The following PHIP variants were observed in gnomAD, a reference collection of about 807,000 sequenced individuals.
The protein encoded by PHIP is PH-interacting protein.
A neutral mutation model predicts 236.8 loss-of-function variants in PHIP; 54 were observed. The ratio of observed to expected loss-of-function variants is 0.23; its 90% CI spans 0.18 to 0.29. PHIP has a LOEUF of 0.29. Ranked by LOEUF, PHIP falls within the 10% of genes least tolerant of loss-of-function variation. The probability of loss-of-function intolerance (pLI) is 1.00; values close to 1 mark genes in which losing one functional copy is unlikely to be tolerated. For missense variants in PHIP, 1,370 were observed against 2,190.8 expected, an observed-to-expected ratio of 0.63 and a Z score of 7.48; for synonymous variants, 756 against 718.9, an observed-to-expected ratio of 1.05 and a Z score of -0.83.
intron 7 of PHIP, among the ~76,000 whole-genome samples, chr6:79,036,920 TCAAAAAAAAAA>T (rs1771966295): frequency 3.9e-5 from 1 of 25,590 alleles, no homozygotes; most frequent in African/African-American, 1.4e-4. Flanking sequence ...AGACTCCGTC[TCAAAAAAAAAA>T]AAAAAAAAAA....
rs1769196211 is a variant in PHIP at position 78,990,871 on chromosome 6, T to A, written c.2316A>T (p.Ser772=). 6.5e-7 allele frequency: 1 copy of A among 1,530,760 alleles called. No individual in the cohort carries two copies. Among genetic ancestry groups the A allele is most frequent in the Non-Finnish European group, 9.0e-7 (1 of 1,107,642 alleles). 94.8% of individuals were successfully genotyped at this position (1,530,760 alleles called of 1,614,324 possible). The change falls in exon 20 of 40, where the codon TCA becomes TCT. Residue 772 remains serine, a synonymous_variant. Coordinates refer to ENST00000275034, the MANE Select transcript of PHIP (RefSeq NM_017934.7). The part of the protein sequence containing the change: ...VPKENKIPTV[S]KNHAHEHFLD... ...CATCAAAATAATTAATATGTACCTT[T>A]GAGACAGTGGGTATTTTATTCTCTT... is the stretch of plus-strand genomic sequence containing the variant.
rs114643099 is a variant in PHIP, at chr6:79,038,288, T to G, written c.600+4555A>C. Among the ~76,000 whole-genome samples, 190 of 152,326 alleles carry G rather than the reference T, an allele frequency of 1.2e-3. 1 individual carries two copies. The highest frequency in any genetic ancestry group is 4.4e-3 in the African/African-American group (183 of 41,578). ...ATGTGGTGTCTGGTAAAGGCTCTCT[T>G]TGTGTGTCAAAGATAGTGCCTTCTA... On this transcript the variant is annotated intron_variant, in intron 7 of 39. Coordinates refer to ENST00000275034, the MANE Select transcript of PHIP (RefSeq NM_017934.7).
chr6:78,960,122 T>C (rs1766680199), intron 31 of PHIP, among the ~76,000 whole-genome samples: 1 of 152,124 alleles, frequency 6.6e-6, no homozygotes, highest in Admixed American at 6.6e-5. Context: ...AAATTCAAAA[T>C]TTGAAGTATG....
In PHIP at chr6:78,995,870, C is replaced by G. The variant is rs183197851; in HGVS notation, c.2201+1544G>C. Among the ~76,000 whole-genome samples the G allele has an allele frequency of 3.1e-3, 474 of 152,226 alleles. 3 individuals carry two copies. The highest frequency in any genetic ancestry group is 0.011 in the African/African-American group (440 of 41,526). On this transcript the variant is annotated intron_variant, in intron 19 of 39. Transcript: ENST00000275034. ...CTTTAGACTACCCACTGGAGAGATT[C>G]TTAGGAAGATTCCCATAGGATGAGT... is the stretch of plus-strand genomic sequence containing the variant.
chr6:79,071,426 C>T (rs1032313172), intron 4 of PHIP, among the ~76,000 whole-genome samples: 4 of 152,166 alleles, frequency 2.6e-5, no homozygotes, highest in Non-Finnish European at 2.9e-5. Flanking sequence ...TCACAATTTC[C>T]TCATAATTTC....
At chr6:79,053,020 T>G (rs867395460) in intron 6 of PHIP, among the ~76,000 whole-genome samples, 2 of 152,166 alleles carry the variant, frequency 1.3e-5, no homozygotes, top group Non-Finnish European at 2.9e-5. Flanking sequence ...AGTTTCCTCA[T>G]TAATAAAGTA....
At chr6:78,986,868 C>T (rs1255724090) in intron 21 of PHIP, among the ~76,000 whole-genome samples, 1 of 151,976 alleles carries the variant, frequency 6.6e-6, no homozygotes, top group African/African-American at 2.4e-5. Context: ...AATCACTGCT[C>T]GATATAACAA....
chr6:79,055,100 T>C (rs1361338380), intron 6 of PHIP, among the ~76,000 whole-genome samples: 3 of 152,018 alleles, frequency 2.0e-5, no homozygotes, highest in African/African-American at 7.2e-5. Flanking sequence ...CAGAACTTAA[T>C]AGCAAACCTC....
intron 6 of PHIP, among the ~76,000 whole-genome samples, chr6:79,058,377 T>A (rs867832412): frequency 1.3e-5 from 2 of 151,960 alleles, no homozygotes; most frequent in Non-Finnish European, 2.9e-5. Flanking sequence ...TTGTCAGCAG[T>A]ATTTACTAAT....
intron 2 of PHIP, 41 bp downstream of exon 2, chr6:79,077,814 G>T: frequency 1.7e-6 from 2 of 1,179,070 alleles, no homozygotes; most frequent in Non-Finnish European, 2.1e-6. Flanking sequence ...ACGCCCGCGA[G>T]CGGCGAGCGC....
intron 19 of PHIP, among the ~76,000 whole-genome samples, chr6:78,995,536 T>C (rs1769552839): frequency 6.6e-6 from 1 of 152,244 alleles, no homozygotes; most frequent in African/African-American, 2.4e-5. Flanking sequence ...CATTTGGTGC[T>C]GTCACTTATT....
intron 27 of PHIP, among the ~76,000 whole-genome samples, chr6:78,969,345 A>G (rs1562134343): frequency 6.6e-6 from 1 of 152,214 alleles, no homozygotes; most frequent in Admixed American, 6.5e-5. Context: ...AACTACTCTC[A>G]TAAGTGGCAC....
Position 78,997,447 on chromosome 6 carries a change from A to G in PHIP, c.2168T>C (p.Val723Ala). 6.2e-7 allele frequency: 1 copy of G among 1,613,100 alleles called. No homozygotes were observed. Among genetic ancestry groups the G allele is most frequent in the Non-Finnish European group, 8.5e-7 (1 of 1,179,618 alleles). The change falls in exon 19 of 40, where the codon GTG becomes GCG. Residue 723 changes from valine (V) to alanine (A), a missense_variant. Val to Ala is a moderately conservative substitution (Grantham distance 64, BLOSUM62 0). Coordinates refer to ENST00000275034, the MANE Select transcript of PHIP (RefSeq NM_017934.7). Reference sequence around the variant, plus strand: ...ACCAGCTGATAGCTCGGGTACTACCACCCTTCGACTCCAAGCTACCAGATC... The same window carrying G: ...ACCAGCTGATAGCTCGGGTACTACCGCCCTTCGACTCCAAGCTACCAGATC... ...ERDLVAWSRR[V>A]VVPELSAGVA...
intron 4 of PHIP, among the ~76,000 whole-genome samples, chr6:79,070,177 G>C (rs1045650585): frequency 6.6e-6 from 1 of 151,996 alleles, no homozygotes; most frequent in African/African-American, 2.4e-5. Context: ...AAATTTTCAA[G>C]TTTTGATGTT....
At chr6:79,070,529 T>C (rs1289131713) in intron 4 of PHIP, among the ~76,000 whole-genome samples, 3 of 152,234 alleles carry the variant, frequency 2.0e-5, no homozygotes, top group Non-Finnish European at 4.4e-5. Flanking sequence ...TATGTATTTC[T>C]TGCATTATAC....
chr6:78,961,735 G>T lies in PHIP; in HGVS notation c.3611C>A (p.Thr1204Lys). 6.2e-7 allele frequency: 1 copy of T among 1,612,118 alleles called. No individual in the cohort carries two copies. The highest frequency in any genetic ancestry group is 8.5e-7 in the Non-Finnish European group (1 of 1,178,592). The change falls in exon 31 of 40, where the codon ACG (threonine) becomes AAG (lysine). Residue 1204 changes from threonine (T) to lysine (K), a missense_variant. Physicochemically the swap from Thr to Lys is moderately conservative, Grantham distance 78. This residue lies in a region of PHIP where 238 missense variants were observed against 398.5 expected (regional missense o/e 0.60). Transcript: ENST00000275034. The stretch of plus-strand genomic sequence containing the variant: ...TCTTTGTTTAATTGTACTTAGATCC[G>T]TTGGATATGCCACTACTGTGCAATA... Reference protein sequence around the residue: ...PMYCTVVAYPTDLSTIKQRLE... With the variant: ...PMYCTVVAYPKDLSTIKQRLE...
In PHIP at chr6:78,947,729, C is replaced by T. The variant is rs747814220; in HGVS notation, c.4100G>A (p.Arg1367Lys). 1 of 1,605,654 alleles carries T rather than the reference C, an allele frequency of 6.2e-7. No homozygotes were observed. The highest frequency in any genetic ancestry group is 8.5e-7 in the Non-Finnish European group (1 of 1,172,524). Reference protein sequence around the residue: ...IDTPMDFATVRETLEAGNYES... With the variant: ...IDTPMDFATVKETLEAGNYES... ...ATAATTCCCAGCCTCTAAAGTTTCTCTAACGGTAGCAAAATCCATTGGAGT... is the reference window on the plus strand; with the variant it reads ...ATAATTCCCAGCCTCTAAAGTTTCTTTAACGGTAGCAAAATCCATTGGAGT... The change falls in exon 36 of 40, where the codon AGA becomes AAA. Residue 1367 changes from arginine to lysine, a missense_variant. Physicochemically the swap from Arg to Lys is conservative, Grantham distance 26. Coordinates refer to ENST00000275034, the MANE Select transcript of PHIP (RefSeq NM_017934.7).
chr6:78,947,870 A>G (rs748189008), intron 35 of PHIP, 95 bp from the exon 36 acceptor site: 1 of 772,102 alleles, frequency 1.3e-6, no homozygotes, highest in Non-Finnish European at 2.1e-6. Flanking sequence ...TGATGACTGC[A>G]AGTCCTAGAA....
intron 15 of PHIP, chr6:79,004,385 TTC>T: frequency 1.0e-6 from 1 of 984,690 alleles, no homozygotes; most frequent in Non-Finnish European, 1.2e-6. Flanking sequence ...GATAATTGTT[TTC>T]TGTTTTCCAG....
Sources: gnomAD v4.1 joint callset for allele counts (sites outside exome capture counted in the v4.1 genomes callset) on GRCh38, gnomAD v4.1.1 for gene constraint, gnomAD v4.1.1 regional missense constraint, MANE v1.5 for transcripts, NCBI Gene and HGNC (gene_info 2026-07-23, HGNC 2026-07-21) for gene names.